The following BCAS3 variants were observed in gnomAD, a reference collection of about 807,000 sequenced individuals.
BCAS3 encodes the protein BCAS4/BCAS3 fusion.
Under a neutral mutation model 116.1 loss-of-function variants are expected in BCAS3, and 53 were observed. The observed-to-expected ratio is 0.46, with a 90% confidence interval of 0.37 to 0.57. The LOEUF (loss-of-function observed/expected upper bound fraction) is 0.57, where lower values mean the gene tolerates loss of function less well. Ranked by LOEUF, BCAS3 falls within the 20% of genes least tolerant of loss-of-function variation. The probability of loss-of-function intolerance (pLI) is 0.00; values close to 1 mark genes in which losing one functional copy is unlikely to be tolerated. For missense variants in BCAS3, 917 were observed against 1,165.4 expected, an observed-to-expected ratio of 0.79 and a Z score of 3.10; for synonymous variants, 391 against 408.2, an observed-to-expected ratio of 0.96 and a Z score of 0.51.
intron 19 of BCAS3, among the ~76,000 whole-genome samples, chr17:61,061,485 T>C (rs1168238723): frequency 6.6e-6 from 1 of 152,238 alleles, no homozygotes; most frequent in Non-Finnish European, 1.5e-5. Flanking sequence ...TGTGCCATTG[T>C]AGATGGAGTC....
Position 61,034,881 on chromosome 17 carries a change from C to A in BCAS3, c.1762+91C>A. The A allele has an allele frequency of 7.7e-7, 1 of 1,302,680 alleles. No homozygotes were observed. The highest frequency in any genetic ancestry group is 1.1e-6 in the Non-Finnish European group (1 of 951,556). The allele number at this position is 1,302,680 out of a possible 1,614,324, so 80.7% of individuals were successfully genotyped here. ...GCAGTTTCCCTAGAATAATCTTGTACCCAGTAGTCTGGAAACCAATTTTTT... is the reference window on the plus strand; with the variant it reads ...GCAGTTTCCCTAGAATAATCTTGTAACCAGTAGTCTGGAAACCAATTTTTT... On this transcript the variant is annotated intron_variant, in intron 17 of 23. Transcript: ENST00000407086. The surrounding 1 kb of genome is among the most constrained non-coding windows in gnomAD (Gnocchi z 5.0).
intron 15 of BCAS3, among the ~76,000 whole-genome samples, chr17:60,999,288 C>T (rs530479341): frequency 6.6e-6 from 1 of 151,888 alleles, no homozygotes; most frequent in East Asian, 1.9e-4. Flanking sequence ...GCCTGTAATC[C>T]CAGCACTTTG....
In BCAS3 at chr17:61,008,906, G is replaced by A. The variant is rs558918562; in HGVS notation, c.1487-6845G>A. Among the ~76,000 whole-genome samples the A allele has an allele frequency of 1.3e-5, 2 of 152,022 alleles. No individual in the cohort carries two copies. Among genetic ancestry groups the A allele is most frequent in the African/African-American group, 4.8e-5 (2 of 41,516 alleles). ...AGTGCCAGAGAGTCACATTGACCTCGGGCTTCAGTGTGGCTCAGTAATCCG... is the reference window on the plus strand; with the variant it reads ...AGTGCCAGAGAGTCACATTGACCTCAGGCTTCAGTGTGGCTCAGTAATCCG... On this transcript the variant is annotated intron_variant, in intron 15 of 23. Transcript: ENST00000407086. This position sits in a 1 kb window ranked among gnomAD's most constrained non-coding sequence, Gnocchi z 4.6.
intron 4 of BCAS3, among the ~76,000 whole-genome samples, chr17:60,699,323 T>A (rs2036074099): frequency 6.6e-6 from 1 of 152,150 alleles, no homozygotes; most frequent in African/African-American, 2.4e-5. Flanking sequence ...CAAGCAGTCC[T>A]CTTGCCTCAG....
Position 61,105,146 on chromosome 17 carries a change from C to T in BCAS3, c.2425+20582C>T, listed in dbSNP as rs1218397189. Among the ~76,000 whole-genome samples, 6 of 152,312 alleles carry T rather than the reference C, an allele frequency of 3.9e-5. No individual in the cohort carries two copies. The East Asian group carries it at 1.2e-3, about 29-fold the overall frequency. Reference sequence around the variant, plus strand: ...GAATTGGGTGCTATTTAAATATTCTCTACTTACATTTATTGAAAACTACCC... The same window carrying T: ...GAATTGGGTGCTATTTAAATATTCTTTACTTACATTTATTGAAAACTACCC... On this transcript the variant is annotated intron_variant, in intron 22 of 23. Transcript: ENST00000407086. The surrounding 1 kb of genome is among the most constrained non-coding windows in gnomAD (Gnocchi z 4.3).
rs1219037431 is a variant in BCAS3, at chr17:60,994,479, C to T, written c.1486+4244C>T. ...AGAATCCCTGATCATCATTTTTTCC[C>T]TCATCTATATCAGTAATTTCTAACA... On this transcript the variant is annotated intron_variant, in intron 15 of 23. Coordinates refer to ENST00000407086, the MANE Select transcript of BCAS3 (RefSeq NM_017679.5). The surrounding 1 kb of genome is among the most constrained non-coding windows in gnomAD (Gnocchi z 4.4). Among the ~76,000 whole-genome samples, 1 of 151,960 alleles carries T rather than the reference C, an allele frequency of 6.6e-6. No individual in the cohort carries two copies. The highest frequency in any genetic ancestry group is 1.5e-5 in the Non-Finnish European group (1 of 67,966).
intron 22 of BCAS3, among the ~76,000 whole-genome samples, chr17:61,331,738 G>T (rs1166429251): frequency 6.6e-6 from 1 of 152,178 alleles, no homozygotes; most frequent in Non-Finnish European, 1.5e-5. Flanking sequence ...GAAAGTGAAA[G>T]GAGAATTCTT....
chr17:61,006,176 G>T (rs1250835507), intron 15 of BCAS3, among the ~76,000 whole-genome samples: 2 of 151,918 alleles, frequency 1.3e-5, no homozygotes, highest in Non-Finnish European at 2.9e-5. Flanking sequence ...ATGTGTTGTG[G>T]CTATACTTTT....
At chr17:60,742,258 G>C (rs1010351449) in intron 5 of BCAS3, among the ~76,000 whole-genome samples, 1 of 152,198 alleles carries the variant, frequency 6.6e-6, no homozygotes, top group African/African-American at 2.4e-5. Context: ...GTTTTTGACA[G>C]CTCAGAGTAT....
In BCAS3 at chr17:61,040,825, T is replaced by C; in HGVS notation, c.1962T>C (p.Phe654=). The change falls in exon 19 of 24, where the codon TTT becomes TTC. Residue 654 remains phenylalanine (F), a synonymous_variant. Transcript: ENST00000407086. ...AATGGAATGAATTGCAGCCACCGTT[T>C]AATGCAAACCACCCTCTGCTCCTCG... ...TPQWNELQPP[F]NANHPLLLAA... 2 of 1,614,184 alleles carry C rather than the reference T, an allele frequency of 1.2e-6. No homozygotes were observed. The highest frequency in any genetic ancestry group is 1.7e-5 in the Admixed American group (1 of 60,020).
At chr17:61,230,764 A>G (rs990019653) in intron 22 of BCAS3, among the ~76,000 whole-genome samples, 2 of 152,058 alleles carry the variant, frequency 1.3e-5, no homozygotes, top group African/African-American at 2.4e-5. Context: ...GAGTGCAGGT[A>G]TCTTTTTGGT....
chr17:60,695,170 G>C (rs2034846777), intron 4 of BCAS3, among the ~76,000 whole-genome samples: 1 of 147,826 alleles, frequency 6.8e-6, no homozygotes, highest in South Asian at 2.1e-4. Context: ...ACCCAGGCTG[G>C]AGTGCAGTGG....
chr17:60,751,401 A>G (rs1316977513), intron 6 of BCAS3, among the ~76,000 whole-genome samples: 1 of 152,178 alleles, frequency 6.6e-6, no homozygotes, highest in Non-Finnish European at 1.5e-5. Flanking sequence ...TTTCTTATTC[A>G]TTACTTTAAG....
At chr17:61,192,507 A>G (rs892641502) in intron 22 of BCAS3, among the ~76,000 whole-genome samples, 4 of 152,214 alleles carry the variant, frequency 2.6e-5, no homozygotes, top group African/African-American at 9.6e-5. Flanking sequence ...TCTTTTCTAC[A>G]TAAATGTGAA....
chr17:61,040,737 A>G, intron 18 of BCAS3, 55 bp from the exon 19 acceptor site: 2 of 1,411,684 alleles, frequency 1.4e-6, no homozygotes, highest in Non-Finnish European at 2.0e-6. Flanking sequence ...AGTCATGGTG[A>G]TTTACATCCC....
chr17:60,810,995 AGAGCAC>A, intron 7 of BCAS3: 1 of 665,276 alleles, frequency 1.5e-6, no homozygotes, highest in African/African-American at 1.8e-5. Flanking sequence ...CAGATTGAAG[AGAGCAC>A]CACAGTGGTC....
At chr17:61,081,484 C>A (rs1479262979) in intron 21 of BCAS3, among the ~76,000 whole-genome samples, 1 of 152,162 alleles carries the variant, frequency 6.6e-6, no homozygotes, top group Non-Finnish European at 1.5e-5. Flanking sequence ...TTGTTTAAAT[C>A]TAAATGACTT....
At position 60,867,267 on chromosome 17, in the gene BCAS3, G is replaced by A. The variant is rs1301959033; in HGVS notation, c.477-1309G>A. On this transcript the variant is annotated intron_variant, in intron 7 of 23. Transcript: ENST00000407086. Reference sequence around the variant, plus strand: ...ATTACAGGTGCTTGACACCATGCCCGGATAATTTTTGTATTTTTAATAGAG... The same window carrying A: ...ATTACAGGTGCTTGACACCATGCCCAGATAATTTTTGTATTTTTAATAGAG... 7.9e-5 allele frequency among the ~76,000 whole-genome samples: 12 copies of A among 151,686 alleles called. No homozygotes were observed. In the South Asian group the frequency reaches 1.0e-3, roughly 13 times the overall value.
At chr17:60,914,387 T>C (rs2058670547) in intron 12 of BCAS3, among the ~76,000 whole-genome samples, 1 of 152,186 alleles carries the variant, frequency 6.6e-6, no homozygotes, top group South Asian at 2.1e-4. Context: ...TAATGTGCCT[T>C]TTTGCTGGAT....
Sources: gnomAD v4.1 joint callset for allele counts (sites outside exome capture counted in the v4.1 genomes callset) on GRCh38, gnomAD v4.1.1 for gene constraint, Gnocchi (gnomAD v3.1) non-coding constraint, MANE v1.5 for transcripts, NCBI Gene and HGNC (gene_info 2026-07-23, HGNC 2026-07-21) for gene names.